NFATC1: variants seen among roughly 807,000 people sequenced by gnomAD.
NFATC1 encodes nuclear factor of activated T cells 1.
In NFATC1, 22 loss-of-function variants were observed where a neutral mutation model predicts 76.0. The observed-to-expected ratio is 0.29, with a 90% CI of 0.21 to 0.41. NFATC1 has a LOEUF of 0.41. Among genes scored for constraint, NFATC1 ranks in the 10% least tolerant of loss-of-function variants. NFATC1 has a pLI of 1.00. For synonymous variants in NFATC1, 704 were observed against 613.1 expected, an observed-to-expected ratio of 1.15 and a Z score of -2.19; for missense variants, 1,357 against 1,337.7, an observed-to-expected ratio of 1.01 and a Z score of -0.23.
At chr18:79,475,475 G>A (rs898859263) in intron 8 of NFATC1, among the ~76,000 whole-genome samples, 3 of 150,748 alleles carry the variant, frequency 2.0e-5, no homozygotes, top group African/African-American at 7.4e-5. Context: ...AGGGAAGGGT[G>A]TTTTCACGCT....
chr18:79,444,473 C>T (rs1005497906), intron 3 of NFATC1, among the ~76,000 whole-genome samples: 2 of 115,418 alleles, frequency 1.7e-5, no homozygotes, highest in African/African-American at 8.8e-5. Flanking sequence ...CAGCTTCCCC[C>T]GCCTACCCCG....
intron 3 of NFATC1, among the ~76,000 whole-genome samples, chr18:79,439,836 G>C (rs1186740673): frequency 6.6e-6 from 1 of 152,236 alleles, no homozygotes; most frequent in Non-Finnish European, 1.5e-5. Context: ...GCTCGGTGCT[G>C]CTGGGAAGGT....
intron 9 of NFATC1, among the ~76,000 whole-genome samples, chr18:79,489,160 G>A (rs538133544): frequency 2.0e-4 from 30 of 152,384 alleles, no homozygotes; most frequent in Admixed American, 1.7e-3. Context: ...CCTTGCCTTG[G>A]GGCCTGGTGG....
chr18:79,402,511 G>A (rs1478706512), intron 1 of NFATC1: 6 of 587,846 alleles, frequency 1.0e-5, no homozygotes, highest in African/African-American at 2.0e-5. Flanking sequence ...GCCCTTCCCC[G>A]GGAGCCCCGC....
intron 9 of NFATC1, among the ~76,000 whole-genome samples, chr18:79,512,297 C>T (rs1225485948): frequency 6.6e-6 from 1 of 152,160 alleles, no homozygotes; most frequent in Non-Finnish European, 1.5e-5. Flanking sequence ...AACGGAAAAG[C>T]GTCTGACTGC....
At chr18:79,449,638 G>T (rs1038243789) in intron 4 of NFATC1, among the ~76,000 whole-genome samples, 1 of 152,164 alleles carries the variant, frequency 6.6e-6, no homozygotes, top group African/African-American at 2.4e-5. Flanking sequence ...GAGCTGGGAC[G>T]GCTGGAACGT....
chr18:79,411,218 G>A lies in NFATC1; in HGVS notation c.943G>A (p.Ala315Thr), dbSNP rs779866756. ...GTACACCAGCTCGGCCATCGTGGCC[G>A]CCATCAACGCGCTGACCACCGACAG... is the stretch of plus-strand genomic sequence containing the variant. ...TQYTSSAIVA[A>T]INALTTDSSL... The change falls in exon 2 of 10, where the codon GCC becomes ACC. Residue 315 changes from alanine to threonine, a missense_variant. By Grantham distance (58) the Ala-to-Thr change is moderately conservative (BLOSUM62 0). Transcript: ENST00000427363. 12 of 1,606,358 alleles carry A rather than the reference G, an allele frequency of 7.5e-6. No individual in the cohort carries two copies. The highest frequency in any genetic ancestry group is 1.3e-5 in the African/African-American group (1 of 75,004).
chr18:79,410,766 C>G lies in NFATC1; in HGVS notation c.491C>G (p.Ala164Gly), dbSNP rs780721421. The change falls in exon 2 of 10, where the codon GCC becomes GGC. Residue 164 changes from alanine (A) to glycine (G), a missense_variant. Around this residue, in one of 3 missense-constraint regions of NFATC1, gnomAD observed 691 missense variants for 613.1 expected, o/e 1.13. Coordinates refer to ENST00000427363, the MANE Select transcript of NFATC1 (RefSeq NM_001278669.2). The surrounding 1 kb of genome is among the most constrained non-coding windows in gnomAD (Gnocchi z 6.7). ...TATLSLPSLE[A>G]YRDPSCLSPA... is the part of the protein sequence containing the mutation. ...ACGCTGAGTCTGCCCAGCCTGGAGG[C>G]CTACAGAGACCCCTCGTGCCTGAGC... 2.9e-5 allele frequency: 46 copies of G among 1,612,876 alleles called. No individual in the cohort carries two copies. The Admixed American group carries it at 7.0e-4, about 25-fold the overall frequency.
At chr18:79,493,756 C>T (rs411056) in intron 9 of NFATC1, 22,542 of 152,298 alleles carry the variant, frequency 0.15, 1,855 homozygotes, top group East Asian at 0.36. Context: ...ACGTCGTTAC[C>T]GTCGCAGACG....
chr18:79,428,141 T>C (rs1321536570), intron 2 of NFATC1, among the ~76,000 whole-genome samples: 1 of 150,644 alleles, frequency 6.6e-6, no homozygotes, highest in Non-Finnish European at 1.5e-5. Flanking sequence ...TTCTGTGCGG[T>C]GCGGGGGCCG....
intron 1 of NFATC1, among the ~76,000 whole-genome samples, chr18:79,397,658 A>C (rs1334566604): frequency 6.6e-6 from 1 of 151,848 alleles, no homozygotes; most frequent in Non-Finnish European, 1.5e-5. Flanking sequence ...TTTTTGTTGG[A>C]GTTTCGGTTT....
chr18:79,453,540 C>T (rs1002959987), intron 6 of NFATC1, among the ~76,000 whole-genome samples: 19 of 152,210 alleles, frequency 1.2e-4, no homozygotes, highest in South Asian at 2.1e-4. Context: ...GTCAGCAGGC[C>T]GGAGGGGTAC....
intron 3 of NFATC1, chr18:79,448,124 G>A (rs2087293285): frequency 6.6e-6 from 1 of 152,372 alleles, no homozygotes; most frequent in African/African-American, 2.4e-5. Context: ...AGCCATGAGC[G>A]GCTCTGCAGG....
At chr18:79,424,481 G>A (rs2086211019) in intron 2 of NFATC1, among the ~76,000 whole-genome samples, 2 of 123,982 alleles carry the variant, frequency 1.6e-5, no homozygotes, top group South Asian at 4.4e-4. Context: ...CTCTCTCTTT[G>A]TCTCTCCATC....
In NFATC1 at chr18:79,411,486, C is replaced by G. The variant is rs781111342; in HGVS notation, c.1211C>G (p.Pro404Arg). The G allele has an allele frequency of 1.3e-6, 2 of 1,505,516 alleles. No homozygotes were observed. Among genetic ancestry groups the G allele is most frequent in the East Asian group, 4.6e-5 (2 of 43,046 alleles). 93.3% of individuals were successfully genotyped at this position (1,505,516 alleles called of 1,614,324 possible). A position where few individuals can be genotyped will look rare whatever the true frequency, so the allele number is the denominator to read the frequency against. Reference protein sequence around the residue: ...YQWAKPKPLSPTSYMSPTLPA... With the variant: ...YQWAKPKPLSRTSYMSPTLPA... ...TGGGCGAAGCCCAAGCCCCTGTCCC[C>G]TACGTCCTACATGAGGTGAGCCGGC... Residue 404 changes from proline to arginine, a missense_variant, in exon 2 of 10, where the codon CCT becomes CGT. Physicochemically the swap from Pro to Arg is moderately radical, Grantham distance 103 (BLOSUM62 -2). This residue lies in a region of NFATC1 where 691 missense variants were observed against 613.1 expected (regional missense o/e 1.13). Transcript: ENST00000427363.
chr18:79,428,932 C>T (rs116581268), intron 2 of NFATC1, among the ~76,000 whole-genome samples: 3,657 of 151,960 alleles, frequency 0.024, 149 homozygotes, highest in African/African-American at 0.081. Flanking sequence ...TAGAAATACA[C>T]CCAGTGGGCT....
At chr18:79,415,135 C>G (rs2085832977) in intron 2 of NFATC1, among the ~76,000 whole-genome samples, 1 of 152,174 alleles carries the variant, frequency 6.6e-6, no homozygotes, top group East Asian at 1.9e-4. Context: ...TCAGAGTCTC[C>G]ACGTGTCTCA....
At chr18:79,504,567 T>C (rs1181922878) in intron 9 of NFATC1, among the ~76,000 whole-genome samples, 3 of 152,220 alleles carry the variant, frequency 2.0e-5, no homozygotes, top group Non-Finnish European at 2.9e-5. Context: ...ATGAGAAAGC[T>C]TGGAACATCA....
At chr18:79,510,362 C>T (rs899571491) in intron 9 of NFATC1, among the ~76,000 whole-genome samples, 2 of 152,156 alleles carry the variant, frequency 1.3e-5, no homozygotes, top group African/African-American at 2.4e-5. Flanking sequence ...TCCCTGAGCC[C>T]TCAGAAAATC....
Sources: allele counts gnomAD v4.1 joint callset (sites outside exome capture counted in the v4.1 genomes callset), GRCh38; gene constraint gnomAD v4.1.1; regional missense constraint gnomAD v4.1.1; non-coding constraint Gnocchi (gnomAD v3.1); transcripts MANE v1.5; gene names NCBI Gene and HGNC (gene_info 2026-07-23, HGNC 2026-07-21).